The following PTPRD variants were observed in gnomAD, a reference collection of about 807,000 sequenced individuals.
The protein encoded by PTPRD is receptor-type tyrosine-protein phosphatase delta.
In PTPRD, 34 loss-of-function variants were observed where a neutral mutation model predicts 214.5. The ratio of observed to expected loss-of-function variants is 0.16; its 90% CI spans 0.12 to 0.21. The LOEUF (loss-of-function observed/expected upper bound fraction) is 0.21, where lower values mean the gene tolerates loss of function less well. Ranked by LOEUF, PTPRD falls within the 10% of genes least tolerant of loss-of-function variation. The pLI is 1.00. For missense variants in PTPRD, 2,545 were observed against 2,398.7 expected (o/e 1.06, Z -1.27); for synonymous variants, 1,128 against 845.7 (o/e 1.33, Z -5.79).
At chr9:10,355,662 G>C (rs1025601714) in intron 2 of PTPRD, among the ~76,000 whole-genome samples, 60 of 152,028 alleles carry the variant, frequency 3.9e-4, no homozygotes, top group Admixed American at 3.9e-3. Context: ...ATTTTTAGTA[G>C]AGACGGGGTT....
rs371869028 is a variant in PTPRD at position 8,507,295 on chromosome 9, T to C, written c.1677+6A>G. The C allele has an allele frequency of 6.2e-6, 10 of 1,613,534 alleles. No homozygotes were observed. The highest frequency in any genetic ancestry group is 8.5e-6 in the Non-Finnish European group (10 of 1,179,634). ...ATTCCCAAGGTGAGAAGCACTATAG[T>C]CTTACCTCCTCTCCATGCTCCCCAT... On this transcript the variant is annotated splice_donor_region_variant and intron_variant, in intron 22 of 45. Transcript: ENST00000381196.
chr9:8,914,907 C>A (rs1047895430), intron 11 of PTPRD, among the ~76,000 whole-genome samples: 2 of 152,082 alleles, frequency 1.3e-5, no homozygotes, highest in African/African-American at 4.8e-5. Flanking sequence ...TACACCCTGG[C>A]AGACTACTTC....
chr9:9,521,308 C>A (rs896572011), intron 8 of PTPRD, among the ~76,000 whole-genome samples: 6 of 152,086 alleles, frequency 3.9e-5, no homozygotes, highest in Non-Finnish European at 8.8e-5. Flanking sequence ...ATGTTTCAGT[C>A]CCTACTTCTT....
chr9:10,136,125 A>G (rs1432006391), intron 3 of PTPRD, among the ~76,000 whole-genome samples: 1 of 151,872 alleles, frequency 6.6e-6, no homozygotes, highest in Non-Finnish European at 1.5e-5. Flanking sequence ...AAAAACAGTC[A>G]AAAAGGACAG....
At chr9:8,589,989 G>A (rs570288886) in intron 14 of PTPRD, among the ~76,000 whole-genome samples, 5 of 152,248 alleles carry the variant, frequency 3.3e-5, no homozygotes, top group African/African-American at 1.2e-4. Context: ...AATAATGACT[G>A]AACCTCGGTA....
intron 36 of PTPRD, among the ~76,000 whole-genome samples, chr9:8,394,295 T>C (rs2090470546): frequency 6.6e-6 from 1 of 151,922 alleles, no homozygotes; most frequent in South Asian, 2.1e-4. Flanking sequence ...TGATGAGGGG[T>C]TTATAATAAA....
intron 11 of PTPRD, among the ~76,000 whole-genome samples, chr9:8,777,126 C>T (rs1465404367): frequency 4.6e-5 from 7 of 151,748 alleles, no homozygotes; most frequent in African/African-American, 1.5e-4. Flanking sequence ...ACTACAGGTG[C>T]GTGCCACCGC....
At chr9:9,339,440 C>G (rs928525031) in intron 9 of PTPRD, among the ~76,000 whole-genome samples, 1 of 151,910 alleles carries the variant, frequency 6.6e-6, no homozygotes, top group Non-Finnish European at 1.5e-5. Flanking sequence ...GAGCCGAGAT[C>G]TCGCCACTGC....
chr9:9,194,718 C>A (rs542655986), intron 9 of PTPRD, among the ~76,000 whole-genome samples: 7 of 152,066 alleles, frequency 4.6e-5, no homozygotes, highest in Non-Finnish European at 7.4e-5. Flanking sequence ...TGAAATAGGG[C>A]GCTGGGATCC....
chr9:8,828,082 C>T (rs2097210622), intron 11 of PTPRD, among the ~76,000 whole-genome samples: 1 of 152,132 alleles, frequency 6.6e-6, no homozygotes, highest in Non-Finnish European at 1.5e-5. Flanking sequence ...ACAGGTTATA[C>T]AATCCACAGA....
At chr9:8,801,865 T>A (rs2096578714) in intron 11 of PTPRD, among the ~76,000 whole-genome samples, 1 of 152,152 alleles carries the variant, frequency 6.6e-6, no homozygotes, top group Admixed American at 6.5e-5. Flanking sequence ...ATTACCACAG[T>A]TATTTGCATA....
chr9:9,005,832 G>C (rs1185525161), intron 11 of PTPRD, among the ~76,000 whole-genome samples: 1 of 151,928 alleles, frequency 6.6e-6, no homozygotes, highest in Non-Finnish European at 1.5e-5. Flanking sequence ...CTTATACTCT[G>C]ATTGTTCAGT....
In PTPRD at chr9:8,484,127, C is replaced by T. The variant is rs1421891744; in HGVS notation, c.3405G>A (p.Glu1135=). 4 of 1,613,188 alleles carry T rather than the reference C, an allele frequency of 2.5e-6. No individual in the cohort carries two copies. The Admixed American group carries it at 6.7e-5, about 27-fold the overall frequency. ...TVQLPEVPAN[E]NIKGYYIIIV... Reference sequence around the variant, plus strand: ...GCCTTCAATCAACTTACTTTATATTCTCATTTGCAGGTACTTCAGGCAGTT... The same window carrying T: ...GCCTTCAATCAACTTACTTTATATTTTCATTTGCAGGTACTTCAGGCAGTT... The change falls in exon 30 of 46, where the codon GAG becomes GAA. Residue 1135 remains glutamate (E), a synonymous_variant. Coordinates refer to ENST00000381196, the MANE Select transcript of PTPRD (RefSeq NM_002839.4).
chr9:10,302,602 C>T (rs935118144), intron 3 of PTPRD, among the ~76,000 whole-genome samples: 7 of 151,774 alleles, frequency 4.6e-5, no homozygotes, highest in Admixed American at 3.9e-4. Context: ...AAAAATAGCA[C>T]GGGTTACAAT....
intron 4 of PTPRD, among the ~76,000 whole-genome samples, chr9:9,966,829 A>G (rs1017697175): frequency 1.4e-4 from 22 of 152,198 alleles, no homozygotes; most frequent in African/African-American, 5.3e-4. Context: ...GAGGAAGAGA[A>G]GAAAGAAAAC....
intron 9 of PTPRD, among the ~76,000 whole-genome samples, chr9:9,358,976 A>G (rs2054933331): frequency 6.6e-6 from 1 of 151,304 alleles, no homozygotes; most frequent in Non-Finnish European, 1.5e-5. Context: ...CAGGATAAAA[A>G]CTGTCTCCTT....
At chr9:9,292,977 C>CT (rs1378637523) in intron 9 of PTPRD, among the ~76,000 whole-genome samples, 4 of 151,396 alleles carry the variant, frequency 2.6e-5, no homozygotes, top group Non-Finnish European at 4.4e-5. Context: ...ATCTTGATTA[C>CT]CTGCTTAAGG....
At chr9:10,594,492 G>C (rs1016149245) in intron 2 of PTPRD, among the ~76,000 whole-genome samples, 4 of 152,134 alleles carry the variant, frequency 2.6e-5, no homozygotes, top group Non-Finnish European at 5.9e-5. Flanking sequence ...TGAGTTTTCA[G>C]TTAATTTATT....
At chr9:8,506,433 G>A (rs959392923) in intron 22 of PTPRD, among the ~76,000 whole-genome samples, 2 of 151,968 alleles carry the variant, frequency 1.3e-5, no homozygotes, top group African/African-American at 2.4e-5. Context: ...TCTTAATATC[G>A]ATTTCTATCA....
Sources: allele counts gnomAD v4.1 joint callset (sites outside exome capture counted in the v4.1 genomes callset), GRCh38; gene constraint gnomAD v4.1.1; transcripts MANE v1.5; gene names NCBI Gene and HGNC (gene_info 2026-07-23, HGNC 2026-07-21).